RNF169: variants seen among roughly 807,000 people sequenced by gnomAD.
The protein encoded by RNF169 is E3 ubiquitin-protein ligase RNF169.
In RNF169, 24 loss-of-function variants were observed where a neutral mutation model predicts 53.9. The observed-to-expected ratio is 0.45, with a 90% confidence interval of 0.32 to 0.63. RNF169 has a LOEUF of 0.63. Ranked by LOEUF, RNF169 falls within the 20% of genes least tolerant of loss-of-function variation. The pLI, the probability that RNF169 is intolerant of heterozygous loss-of-function variation, is 0.04. For missense variants in RNF169, 883 were observed against 906.2 expected (o/e 0.97, Z 0.33); for synonymous variants, 396 against 363.5 (o/e 1.09, Z -1.02).
Position 74,841,516 on chromosome 11 carries a change from T to C in RNF169, c.*4786T>C, listed in dbSNP as rs1458242521. The C allele has an allele frequency of 6.6e-6, 1 of 152,194 alleles. No homozygotes were observed. The highest frequency in any genetic ancestry group is 1.5e-5 in the Non-Finnish European group (1 of 68,032). 9.4% of individuals were successfully genotyped at this position (152,194 alleles called of 1,614,324 possible). A position where few individuals can be genotyped will look rare whatever the true frequency, so the allele number is the denominator to read the frequency against. On this transcript the variant is annotated 3_prime_UTR_variant, in exon 6 of 6. Transcript: ENST00000299563. ...GATGTGCAGATTGTTCTATGTATTATCAGTATTTTTTTCCTCTTAAGAAAA... is the reference window on the plus strand; with the variant it reads ...GATGTGCAGATTGTTCTATGTATTACCAGTATTTTTTTCCTCTTAAGAAAA...
chr11:74,801,530 T>A (rs911973725), intron 2 of RNF169, among the ~76,000 whole-genome samples: 1 of 152,250 alleles, frequency 6.6e-6, no homozygotes, highest in Admixed American at 6.5e-5. Flanking sequence ...TCTCCAACTT[T>A]TTTTACCAGC....
At chr11:74,814,662 A>G (rs2035920051) in intron 3 of RNF169, among the ~76,000 whole-genome samples, 1 of 152,046 alleles carries the variant, frequency 6.6e-6, no homozygotes, top group Admixed American at 6.6e-5. Context: ...AAGTGCTGGG[A>G]TTATAGGTGT....
chr11:74,810,686 T>C (rs1328431568), intron 3 of RNF169, among the ~76,000 whole-genome samples: 3 of 152,208 alleles, frequency 2.0e-5, no homozygotes, highest in Non-Finnish European at 4.4e-5. Context: ...AACTAGATTT[T>C]CTTAAAGCAT....
At chr11:74,758,879 A>T (rs903642815) in intron 1 of RNF169, among the ~76,000 whole-genome samples, 26 of 149,686 alleles carry the variant, frequency 1.7e-4, no homozygotes, top group Non-Finnish European at 5.9e-5. Context: ...GATGGCATTG[A>T]ATCTGTAAAT....
chr11:74,815,795 T>G (rs778831321), intron 3 of RNF169, among the ~76,000 whole-genome samples: 27 of 152,134 alleles, frequency 1.8e-4, no homozygotes, highest in Admixed American at 9.2e-4. Context: ...ACAGTGACAG[T>G]GATAGCTGAC....
chr11:74,790,592 G>A (rs370006370), intron 2 of RNF169, among the ~76,000 whole-genome samples: 6 of 152,324 alleles, frequency 3.9e-5, no homozygotes, highest in African/African-American at 1.4e-4. Flanking sequence ...CGCACTACCA[G>A]CCTGGATCTC....
intron 1 of RNF169, among the ~76,000 whole-genome samples, chr11:74,775,267 T>C (rs557904836): frequency 6.6e-6 from 1 of 152,334 alleles, no homozygotes; most frequent in African/African-American, 2.4e-5. Flanking sequence ...TGTGGAGGTA[T>C]TGATCTTATA....
At chr11:74,751,794 A>G (rs2135298736) in intron 1 of RNF169, among the ~76,000 whole-genome samples, 1 of 152,338 alleles carries the variant, frequency 6.6e-6, no homozygotes, top group Non-Finnish European at 1.5e-5. Context: ...ATACAAAAAT[A>G]TTGCCAAAAG....
At chr11:74,764,129 A>C (rs187960346) in intron 1 of RNF169, among the ~76,000 whole-genome samples, 1 of 152,272 alleles carries the variant, frequency 6.6e-6, no homozygotes, top group Non-Finnish European at 1.5e-5. Context: ...CAGAGGAGCA[A>C]TAATCAGACT....
chr11:74,788,040 A>G (rs1028647601), intron 1 of RNF169, among the ~76,000 whole-genome samples: 3 of 152,118 alleles, frequency 2.0e-5, no homozygotes, highest in African/African-American at 4.8e-5. Flanking sequence ...GTTAGTTGCA[A>G]TCGACAGAAA....
intron 1 of RNF169, among the ~76,000 whole-genome samples, chr11:74,758,352 A>G (rs867038393): frequency 0.018 from 2,622 of 146,308 alleles, 90 homozygotes; most frequent in African/African-American, 0.064. Context: ...TGTTCCATTG[A>G]TCTATATCTC....
At chr11:74,794,771 T>A (rs950474882) in intron 2 of RNF169, among the ~76,000 whole-genome samples, 1 of 152,168 alleles carries the variant, frequency 6.6e-6, no homozygotes, top group Non-Finnish European at 1.5e-5. Flanking sequence ...ATGAGTGTTA[T>A]AGTCTAAGGC....
intron 4 of RNF169, among the ~76,000 whole-genome samples, chr11:74,826,402 C>T (rs934428068): frequency 3.9e-5 from 6 of 152,136 alleles, no homozygotes; most frequent in African/African-American, 1.4e-4. Flanking sequence ...GGAAACCACC[C>T]CCATGATTCA....
chr11:74,792,385 A>T (rs2035591079), intron 2 of RNF169, among the ~76,000 whole-genome samples: 1 of 152,166 alleles, frequency 6.6e-6, no homozygotes, highest in South Asian at 2.1e-4. Flanking sequence ...AGGTGAAGCA[A>T]AAGACATAGT....
intron 2 of RNF169, among the ~76,000 whole-genome samples, chr11:74,804,486 A>G (rs2035777780): frequency 6.6e-6 from 1 of 152,126 alleles, no homozygotes. Flanking sequence ...TGCTCTTTAG[A>G]GTTTTTCTTT....
intron 1 of RNF169, among the ~76,000 whole-genome samples, chr11:74,752,086 G>C (rs540191503): frequency 6.6e-6 from 1 of 151,850 alleles, no homozygotes; most frequent in Admixed American, 6.6e-5. Context: ...ACAAAAATTA[G>C]CTGGGCATGG....
At chr11:74,806,729 A>T (rs2035810598) in intron 2 of RNF169, among the ~76,000 whole-genome samples, 1 of 151,760 alleles carries the variant, frequency 6.6e-6, no homozygotes, top group African/African-American at 2.4e-5. Flanking sequence ...TAAAATTCAG[A>T]AATAGGTAAA....
rs1555001108 is a variant in RNF169, at chr11:74,834,667, C to A, written c.843-9C>A. 6.3e-7 allele frequency: 1 copy of A among 1,597,322 alleles called. No homozygotes were observed. The highest frequency in any genetic ancestry group is 1.8e-5 in the Admixed American group (1 of 56,482). ...TTTGACTACTCGTTTTTTATTTATT[C>A]TTTTTTAGGAAGCTAAACTCCAAGG... On this transcript the variant is annotated splice_polypyrimidine_tract_variant and intron_variant, in intron 4 of 5. Coordinates refer to ENST00000299563, the MANE Select transcript of RNF169 (RefSeq NM_001098638.2).
chr11:74,756,904 G>T (rs2034992413), intron 1 of RNF169, among the ~76,000 whole-genome samples: 2 of 152,168 alleles, frequency 1.3e-5, no homozygotes, highest in African/African-American at 4.8e-5. Context: ...GTAGCAAATA[G>T]ATTGGAGAGC....
Sources: gnomAD v4.1 joint callset for allele counts (sites outside exome capture counted in the v4.1 genomes callset) on GRCh38, gnomAD v4.1.1 for gene constraint, MANE v1.5 for transcripts, NCBI Gene and HGNC (gene_info 2026-07-23, HGNC 2026-07-21) for gene names.